The following ROBO2 variants were observed in gnomAD, a reference collection of about 807,000 sequenced individuals.
ROBO2 encodes roundabout guidance receptor 2, also known as roundabout homolog 2.
Under a neutral mutation model 160.8 loss-of-function variants are expected in ROBO2, and 53 were observed. That is an observed-to-expected ratio of 0.33 (90% CI 0.26 to 0.41). ROBO2 has a LOEUF of 0.41. Ranked by LOEUF, ROBO2 falls within the 10% of genes least tolerant of loss-of-function variation. The probability of loss-of-function intolerance (pLI) is 1.00; values close to 1 mark genes in which losing one functional copy is unlikely to be tolerated. For synonymous variants in ROBO2, 664 were observed against 611.7 expected, an observed-to-expected ratio of 1.09 and a Z score of -1.26; for missense variants, 1,577 against 1,722.4, an observed-to-expected ratio of 0.92 and a Z score of 1.49.
rs146977355 is a variant in ROBO2 at position 76,202,871 on chromosome 3, G to T, written c.109+265269G>T. ...TGCCCAAAAGTCTACCAGTTGACTT[G>T]TTGATCTACTGTCTCTGATATACCT... On this transcript the variant is annotated intron_variant, in intron 2 of 26. Coordinates refer to the ROBO2 transcript ENST00000487694. Among the ~76,000 whole-genome samples the T allele has an allele frequency of 3.5e-3, 523 of 151,376 alleles. 1 individual carries two copies. The highest frequency in any genetic ancestry group is 5.1e-3 in the Non-Finnish European group (347 of 68,004).
At chr3:77,021,854 G>C (rs2062656805) in intron 2 of ROBO2, among the ~76,000 whole-genome samples, 1 of 152,078 alleles carries the variant, frequency 6.6e-6, no homozygotes, top group Non-Finnish European at 1.5e-5. Flanking sequence ...GCCTTCCACT[G>C]TCAGAGGACT....
At chr3:77,240,565 C>T (rs62249667) in intron 2 of ROBO2, among the ~76,000 whole-genome samples, 166 of 152,276 alleles carry the variant, frequency 1.1e-3, no homozygotes, top group African/African-American at 3.5e-3. Context: ...GCTCCTCAAG[C>T]GTGGCCAGAG....
intron 2 of ROBO2, among the ~76,000 whole-genome samples, chr3:76,486,339 T>C (rs1454062851): frequency 6.6e-6 from 1 of 152,102 alleles, no homozygotes; most frequent in Non-Finnish European, 1.5e-5. Context: ...CTACCTTGGG[T>C]TGAAGTTATG....
intron 2 of ROBO2, among the ~76,000 whole-genome samples, chr3:76,400,845 C>A (rs773847277): frequency 6.6e-6 from 1 of 151,402 alleles, no homozygotes; most frequent in Non-Finnish European, 1.5e-5. Context: ...TCTACAACCT[C>A]CAAATATGAG....
At chr3:76,062,234 T>G in intron 2 of ROBO2, among the ~76,000 whole-genome samples, 1 of 152,202 alleles carries the variant, frequency 6.6e-6, no homozygotes, top group Non-Finnish European at 1.5e-5. Context: ...AACTGATTTT[T>G]GGGTGCAACA....
chr3:76,603,529 CT>C, intron 2 of ROBO2, among the ~76,000 whole-genome samples: 1 of 151,418 alleles, frequency 6.6e-6, no homozygotes, highest in Admixed American at 6.6e-5. Context: ...TGAACTCAAT[CT>C]TTTTACTCTG....
chr3:77,375,548 C>T (rs142931338), intron 2 of ROBO2, among the ~76,000 whole-genome samples: 3 of 152,210 alleles, frequency 2.0e-5, no homozygotes, highest in African/African-American at 4.8e-5. Context: ...TTAACCCTTC[C>T]GCACTTTTTG....
intron 2 of ROBO2, among the ~76,000 whole-genome samples, chr3:77,393,487 C>A (rs1015993347): frequency 2.0e-5 from 3 of 150,934 alleles, no homozygotes; most frequent in Non-Finnish European, 4.4e-5. Context: ...GATAACAGTA[C>A]CACAAAATGA....
At chr3:77,562,057 C>A (rs574454141) in intron 9 of ROBO2, among the ~76,000 whole-genome samples, 3 of 151,736 alleles carry the variant, frequency 2.0e-5, no homozygotes, top group African/African-American at 7.3e-5. Context: ...GAGCTGAGAT[C>A]GAGCCATTGC....
At chr3:76,055,405 G>A (rs903379932) in intron 2 of ROBO2, among the ~76,000 whole-genome samples, 5 of 152,140 alleles carry the variant, frequency 3.3e-5, no homozygotes, top group African/African-American at 7.2e-5. Context: ...TATTCCATGC[G>A]TGATGGCAGG....
At chr3:76,689,951 C>T (rs1289938132) in intron 2 of ROBO2, among the ~76,000 whole-genome samples, 1 of 152,094 alleles carries the variant, frequency 6.6e-6, no homozygotes, top group Admixed American at 6.6e-5. Flanking sequence ...CATTTTACTC[C>T]CTCCTCCTTG....
At chr3:76,131,804 C>G (rs2071233458) in intron 2 of ROBO2, among the ~76,000 whole-genome samples, 1 of 152,014 alleles carries the variant, frequency 6.6e-6, no homozygotes, top group African/African-American at 2.4e-5. Context: ...TCATATTATT[C>G]CCAATGTGTG....
chr3:76,403,054 C>A (rs957539582), intron 2 of ROBO2, among the ~76,000 whole-genome samples: 1 of 151,442 alleles, frequency 6.6e-6, no homozygotes, highest in Non-Finnish European at 1.5e-5. Flanking sequence ...TGCTTTGGTG[C>A]GTGATTCATT....
At chr3:76,820,859 G>GT (rs900199629) in intron 2 of ROBO2, among the ~76,000 whole-genome samples, 57 of 151,608 alleles carry the variant, frequency 3.8e-4, no homozygotes, top group Admixed American at 2.6e-3. Context: ...ATTCAACAGG[G>GT]TTTTTTTTAA....
chr3:77,286,413 T>C (rs1029246240), intron 2 of ROBO2, among the ~76,000 whole-genome samples: 2 of 136,578 alleles, frequency 1.5e-5, no homozygotes, highest in African/African-American at 2.7e-5. Flanking sequence ...CATGCCACCA[T>C]GCCCAGCTAA....
At chr3:77,334,768 AC>A (rs1224950536) in intron 2 of ROBO2, among the ~76,000 whole-genome samples, 1 of 152,174 alleles carries the variant, frequency 6.6e-6, no homozygotes, top group Non-Finnish European at 1.5e-5. Flanking sequence ...TTAGTGAGAT[AC>A]AAATCTGCCA....
intron 2 of ROBO2, among the ~76,000 whole-genome samples, chr3:76,751,891 TC>T (rs1353601937): frequency 2.6e-5 from 4 of 152,138 alleles, no homozygotes; most frequent in Non-Finnish European, 5.9e-5. Flanking sequence ...TGGCGATTCC[TC>T]AAGGATCTAG....
chr3:76,652,499 A>AAAATTGTCCTCTTTAC (rs1470871085), intron 2 of ROBO2, among the ~76,000 whole-genome samples: 56 of 152,226 alleles, frequency 3.7e-4, no homozygotes, highest in African/African-American at 1.3e-3. Flanking sequence ...TTTGTGCTAT[A>AAAATTGTCCTCTTTAC]CTCTGTACCT....
intron 2 of ROBO2, among the ~76,000 whole-genome samples, chr3:76,287,300 CTTT>C (rs34290531): frequency 7.0e-6 from 1 of 142,014 alleles, no homozygotes. Context: ...TTTTTCTTTT[CTTT>C]TTTTTTTTTT....
Sources: allele counts gnomAD v4.1 joint callset (sites outside exome capture counted in the v4.1 genomes callset), GRCh38; gene constraint gnomAD v4.1.1; transcripts MANE v1.5; gene names NCBI Gene and HGNC (gene_info 2026-07-23, HGNC 2026-07-21).